The following CTNNA2 variants were observed in gnomAD, a reference collection of about 807,000 sequenced individuals.
The protein encoded by CTNNA2 is catenin alpha 2.
CTNNA2 carries 42 observed loss-of-function variants against 101.0 expected under a neutral mutation model. That is an observed-to-expected ratio of 0.42 (90% CI 0.32 to 0.54). The LOEUF is 0.54. CTNNA2 is among the 20% of genes least tolerant of loss of function. The pLI is 0.14. For missense variants in CTNNA2, 871 were observed against 1,223.1 expected, an observed-to-expected ratio of 0.71 and a Z score of 4.29; for synonymous variants, 450 against 456.4, an observed-to-expected ratio of 0.99 and a Z score of 0.18.
In CTNNA2 at chr2:80,613,240, T is replaced by C. The variant is rs192572363; in HGVS notation, c.2430+4922T>C. 1.9e-3 allele frequency among the ~76,000 whole-genome samples: 282 copies of C among 151,582 alleles called. 2 individuals are homozygous for C. The highest frequency in any genetic ancestry group is 6.6e-3 in the African/African-American group (273 of 41,462). On this transcript the variant is annotated intron_variant, in intron 17 of 18. Transcript: ENST00000402739. ...TCTGATTCCTGCATTAAGTCTTCCT[T>C]AGTTACATTCATACCAGTATGAATG...
intron 9 of CTNNA2, among the ~76,000 whole-genome samples, chr2:80,454,305 A>C (rs1683775689): frequency 6.6e-6 from 1 of 152,158 alleles, no homozygotes; most frequent in Admixed American, 6.5e-5. Flanking sequence ...CTTTCCTTTA[A>C]AGGGAAAATA....
intron 2 of CTNNA2, among the ~76,000 whole-genome samples, chr2:79,210,778 GACATGCAATGTTTTTCCT>G (rs1674161341): frequency 6.6e-6 from 1 of 152,070 alleles, no homozygotes; most frequent in Admixed American, 6.6e-5. Context: ...AGCAAGTGAG[GACATGCAATGTTTTTCCT>G]AAAGGCTCCC....
At chr2:79,593,880 G>GTTTTTTTT (rs945227300) in intron 1 of CTNNA2, among the ~76,000 whole-genome samples, 33 of 85,438 alleles carry the variant, frequency 3.9e-4, no homozygotes, top group African/African-American at 6.9e-4. Context: ...CTTTCTTTTA[G>GTTTTTTTT]TTTTTTTTTT....
intron 2 of CTNNA2, among the ~76,000 whole-genome samples, chr2:79,279,485 A>G (rs1451376070): frequency 6.6e-6 from 1 of 152,108 alleles, no homozygotes; most frequent in Non-Finnish European, 1.5e-5. Context: ...ACTTCCAGTT[A>G]CTTGTAACTG....
At chr2:80,606,577 CAGAAAAAAA>C (rs1698049629) in intron 16 of CTNNA2, among the ~76,000 whole-genome samples, 2 of 151,896 alleles carry the variant, frequency 1.3e-5, no homozygotes, top group East Asian at 3.9e-4. Context: ...AAGAAATCTT[CAGAAAAAAA>C]TGTTATCAAA....
At chr2:79,576,142 G>T (rs916250503) in intron 1 of CTNNA2, among the ~76,000 whole-genome samples, 1 of 152,076 alleles carries the variant, frequency 6.6e-6, no homozygotes, top group Non-Finnish European at 1.5e-5. Context: ...CACCATTCAG[G>T]CTCCAAAAAC....
intron 7 of CTNNA2, among the ~76,000 whole-genome samples, chr2:79,914,122 C>G (rs62141606): frequency 8.1e-5 from 12 of 148,354 alleles, no homozygotes; most frequent in African/African-American, 2.2e-4. Flanking sequence ...AGCCGAGATC[C>G]CGCCACTGCA....
intron 17 of CTNNA2, among the ~76,000 whole-genome samples, chr2:80,616,058 C>T (rs1467098095): frequency 6.6e-6 from 1 of 151,644 alleles, no homozygotes; most frequent in Non-Finnish European, 1.5e-5. Flanking sequence ...TCTCTGAACA[C>T]CTTCATCTGT....
intron 6 of CTNNA2, among the ~76,000 whole-genome samples, chr2:79,888,596 C>G: frequency 6.6e-6 from 1 of 152,046 alleles, no homozygotes; most frequent in African/African-American, 2.4e-5. Context: ...ATTTGAAGTA[C>G]TTTTTTTTAT....
intron 7 of CTNNA2, among the ~76,000 whole-genome samples, chr2:80,203,632 G>A (rs1707348440): frequency 6.6e-6 from 1 of 152,222 alleles, no homozygotes; most frequent in South Asian, 2.1e-4. Context: ...CCTCCTGGCT[G>A]CTTTCACAGG....
chr2:80,586,376 G>A (rs997772769), intron 14 of CTNNA2: 1 of 152,178 alleles, frequency 6.6e-6, no homozygotes, highest in Non-Finnish European at 1.5e-5. Context: ...TGAACATTGA[G>A]TCTGGGAGTC....
intron 7 of CTNNA2, among the ~76,000 whole-genome samples, chr2:80,348,590 G>T (rs143414749): frequency 6.6e-6 from 1 of 152,080 alleles, no homozygotes; most frequent in Admixed American, 6.5e-5. Context: ...CTGGAAAAAC[G>T]TAGCTGTGTA....
chr2:79,699,670 T>C (rs1684863238), intron 2 of CTNNA2, among the ~76,000 whole-genome samples: 1 of 151,326 alleles, frequency 6.6e-6, no homozygotes, highest in Non-Finnish European at 1.5e-5. Context: ...AACAGTACCT[T>C]GGACCTTTTT....
chr2:80,035,823 A>G (rs1695610508), intron 7 of CTNNA2, among the ~76,000 whole-genome samples: 1 of 152,238 alleles, frequency 6.6e-6, no homozygotes, highest in African/African-American at 2.4e-5. Context: ...ACACCAAAAC[A>G]ACATCTGGCA....
chr2:80,285,859 G>A (rs749448845), intron 7 of CTNNA2, among the ~76,000 whole-genome samples: 10 of 152,218 alleles, frequency 6.6e-5, no homozygotes, highest in South Asian at 4.2e-4. Context: ...TCACTGTAAC[G>A]GATATAAAAT....
intron 8 of CTNNA2, among the ~76,000 whole-genome samples, chr2:80,401,714 C>T (rs1204204220): frequency 2.0e-5 from 3 of 152,030 alleles, no homozygotes; most frequent in Non-Finnish European, 4.4e-5. Flanking sequence ...ATCTCCTTGG[C>T]CTCTATTAGA....
intron 7 of CTNNA2, chr2:80,378,900 G>C (rs1321324013): frequency 6.6e-6 from 1 of 152,194 alleles, no homozygotes; most frequent in Non-Finnish European, 1.5e-5. Context: ...CGTGGTATCG[G>C]GAAGAGAGTT....
At chr2:79,207,400 C>T (rs759742611) in intron 2 of CTNNA2, among the ~76,000 whole-genome samples, 7 of 152,130 alleles carry the variant, frequency 4.6e-5, no homozygotes, top group Non-Finnish European at 8.8e-5. Flanking sequence ...AGTAACCCCC[C>T]ATTCTGCTTC....
chr2:79,240,670 C>T (rs1046961449), intron 2 of CTNNA2, among the ~76,000 whole-genome samples: 2 of 152,032 alleles, frequency 1.3e-5, no homozygotes, highest in African/African-American at 2.4e-5. Context: ...ACATGAGGTA[C>T]AGACAATAAG....
Sources: allele counts gnomAD v4.1 joint callset (sites outside exome capture counted in the v4.1 genomes callset), GRCh38; gene constraint gnomAD v4.1.1; transcripts MANE v1.5; gene names NCBI Gene and HGNC (gene_info 2026-07-23, HGNC 2026-07-21).